The following VAV2 variants were observed in gnomAD, a reference collection of about 807,000 sequenced individuals.
The protein encoded by VAV2 is guanine nucleotide exchange factor VAV2.
Under a neutral mutation model 132.5 loss-of-function variants are expected in VAV2, and 67 were observed. That is an observed-to-expected ratio of 0.51 (90% CI 0.42 to 0.62). VAV2 has a LOEUF of 0.62. VAV2 is among the 20% of genes least tolerant of loss of function. The pLI, the probability that VAV2 is intolerant of heterozygous loss-of-function variation, is 0.00. For missense variants in VAV2, 938 were observed against 1,153.6 expected, an observed-to-expected ratio of 0.81 and a Z score of 2.71; for synonymous variants, 492 against 443.5, an observed-to-expected ratio of 1.11 and a Z score of -1.37.
chr9:133,765,837 T>A (rs764919379), intron 29 of VAV2, among the ~76,000 whole-genome samples: 22 of 152,270 alleles, frequency 1.4e-4, no homozygotes, highest in Non-Finnish European at 2.9e-4. Flanking sequence ...ACACACACAG[T>A]GCAAATGATA....
At chr9:133,890,084 G>T (rs766856112) in intron 2 of VAV2, among the ~76,000 whole-genome samples, 25 of 152,176 alleles carry the variant, frequency 1.6e-4, no homozygotes, top group Non-Finnish European at 3.4e-4. Flanking sequence ...ATGGTGACTC[G>T]CAGGGGCTGA....
chr9:133,935,379 C>T lies in VAV2; in HGVS notation c.321+3724G>A, dbSNP rs568969761. Reference sequence around the variant, plus strand: ...AAGGAACCAGGCCTATCAGCCCCGCCCTCCACACCGGCTCCTTGTGGTCAA... The same window carrying T: ...AAGGAACCAGGCCTATCAGCCCCGCTCTCCACACCGGCTCCTTGTGGTCAA... On this transcript the variant is annotated intron_variant, in intron 2 of 29. Transcript: ENST00000371850. This position sits in a 1 kb window ranked among gnomAD's most constrained non-coding sequence, Gnocchi z 5.2. Among the ~76,000 whole-genome samples the T allele has an allele frequency of 3.3e-5, 5 of 152,312 alleles. No individual in the cohort carries two copies. In the South Asian group the frequency reaches 8.3e-4, roughly 25 times the overall value.
chr9:133,983,640 G>T (rs988599236), intron 1 of VAV2, among the ~76,000 whole-genome samples: 7 of 151,396 alleles, frequency 4.6e-5, no homozygotes, highest in Non-Finnish European at 8.8e-5. Flanking sequence ...GCTCGGCAGA[G>T]AACTCTCTCT....
At chr9:133,930,616 T>C (rs993553084) in intron 2 of VAV2, among the ~76,000 whole-genome samples, 3 of 152,266 alleles carry the variant, frequency 2.0e-5, no homozygotes, top group Non-Finnish European at 4.4e-5. Context: ...CAGCAGGACC[T>C]GAGGATGCCC....
chr9:133,953,892 T>C (rs961436919), intron 1 of VAV2, among the ~76,000 whole-genome samples: 9 of 152,058 alleles, frequency 5.9e-5, no homozygotes, highest in Non-Finnish European at 5.9e-5. Context: ...CATCCCTAGG[T>C]GTCCTCCCTC....
At chr9:133,803,072 C>A (rs1249743290) in intron 9 of VAV2, among the ~76,000 whole-genome samples, 3 of 152,188 alleles carry the variant, frequency 2.0e-5, no homozygotes, top group Admixed American at 2.0e-4. Flanking sequence ...TGGAACCACC[C>A]AGCCTTGGGC....
intron 1 of VAV2, among the ~76,000 whole-genome samples, chr9:133,982,148 CAAG>C (rs1289205318): frequency 6.6e-6 from 1 of 152,166 alleles, no homozygotes; most frequent in East Asian, 1.9e-4. Flanking sequence ...GTGAGCCAGG[CAAG>C]AAGGTTCCCC....
At chr9:133,916,620 A>G (rs1588366266) in intron 2 of VAV2, among the ~76,000 whole-genome samples, 1 of 152,108 alleles carries the variant, frequency 6.6e-6, no homozygotes, top group East Asian at 1.9e-4. Flanking sequence ...AGGGAGAGAG[A>G]AGAGCCGGGA....
Position 133,964,048 on chromosome 9 carries a change from TACATATATATAC to T in VAV2, c.205-24841_205-24830del, listed in dbSNP as rs754205027. 6.6e-4 allele frequency among the ~76,000 whole-genome samples: 53 copies of T among 80,472 alleles called. 1 individual carries two copies. The highest frequency in any genetic ancestry group is 2.5e-3 in the East Asian group (4 of 1,598). The allele number at this position is 80,472 out of a possible 152,430, so 52.8% of individuals were successfully genotyped here. A position where few individuals can be genotyped will look rare whatever the true frequency, so the allele number is the denominator to read the frequency against. ...ATATATATATATATATATATATATA[TACATATATATAC>T]ATATATATAAATGAATAGGCCAGGT... is the stretch of plus-strand genomic sequence containing the variant. On this transcript the variant is annotated intron_variant, in intron 1 of 29. Coordinates refer to ENST00000371850, the MANE Select transcript of VAV2 (RefSeq NM_001134398.2).
At chr9:133,813,685 C>T (rs936050204) in intron 4 of VAV2, among the ~76,000 whole-genome samples, 1 of 152,224 alleles carries the variant, frequency 6.6e-6, no homozygotes, top group Non-Finnish European at 1.5e-5. Flanking sequence ...GCTGTTGCTC[C>T]GGGTACTTCA....
chr9:133,911,060 G>A (rs810664), intron 2 of VAV2, among the ~76,000 whole-genome samples: 3,966 of 152,248 alleles, frequency 0.026, 67 homozygotes, highest in Non-Finnish European at 0.04. Context: ...AGGCTACATG[G>A]GCTGCAGGAA....
intron 3 of VAV2, among the ~76,000 whole-genome samples, chr9:133,835,351 A>G (rs1836427706): frequency 6.6e-6 from 1 of 151,496 alleles, no homozygotes; most frequent in South Asian, 2.1e-4. Flanking sequence ...AGCACAGGCC[A>G]ACCACTCAGA....
chr9:133,790,140 A>G (rs1834393673), intron 13 of VAV2, among the ~76,000 whole-genome samples: 1 of 152,184 alleles, frequency 6.6e-6, no homozygotes, highest in African/African-American at 2.4e-5. Context: ...GGCCTGGCTC[A>G]TGGGGATGCT....
chr9:133,888,494 TGTC>T (rs1838802177), intron 2 of VAV2, among the ~76,000 whole-genome samples: 1 of 152,152 alleles, frequency 6.6e-6, no homozygotes, highest in African/African-American at 2.4e-5. Flanking sequence ...GGCCCAGACA[TGTC>T]TGTCCCTACA....
intron 8 of VAV2, among the ~76,000 whole-genome samples, chr9:133,806,657 C>T (rs1835159026): frequency 1.3e-5 from 2 of 152,232 alleles, no homozygotes; most frequent in Admixed American, 1.3e-4. Flanking sequence ...TCCAAGCCAG[C>T]CTCATCCAGG....
chr9:133,782,931 G>C (rs1167759495), intron 19 of VAV2, among the ~76,000 whole-genome samples: 1 of 152,136 alleles, frequency 6.6e-6, no homozygotes. Flanking sequence ...GAGCCTCCAG[G>C]GCGCATCCCT....
chr9:133,889,811 C>T (rs951178635), intron 2 of VAV2, among the ~76,000 whole-genome samples: 1 of 152,146 alleles, frequency 6.6e-6, no homozygotes. Context: ...CAGGCTTCCC[C>T]GATGTGATGG....
rs777309383 is a variant in VAV2 at position 133,823,729 on chromosome 9, G to T, written c.449+10543C>A. On this transcript the variant is annotated intron_variant, in intron 4 of 29. Coordinates refer to ENST00000371850, the MANE Select transcript of VAV2 (RefSeq NM_001134398.2). This position sits in a 1 kb window ranked among gnomAD's most constrained non-coding sequence, Gnocchi z 5.5. The stretch of plus-strand genomic sequence containing the variant: ...TATGTCTTTAAAGCTGCCCTTCTGC[G>T]CCGGTCCCCTCCCTCTGCAGAGACT... 6.6e-6 allele frequency among the ~76,000 whole-genome samples: 1 copy of T among 152,142 alleles called. No homozygotes were observed. The highest frequency in any genetic ancestry group is 2.4e-5 in the African/African-American group (1 of 41,408).
At chr9:133,783,624 G>C (rs13283160) in intron 18 of VAV2, 33 bp from the exon 19 acceptor site, 580,567 of 1,607,480 alleles carry the variant, frequency 0.36, 107,603 homozygotes, top group East Asian at 0.39. Context: ...TGAGGTCGAG[G>C]CTGGGGTCGG....
Sources: allele counts gnomAD v4.1 joint callset (sites outside exome capture counted in the v4.1 genomes callset), GRCh38; gene constraint gnomAD v4.1.1; non-coding constraint Gnocchi (gnomAD v3.1); transcripts MANE v1.5; gene names NCBI Gene and HGNC (gene_info 2026-07-23, HGNC 2026-07-21).